NXPE4: variants seen among roughly 807,000 people sequenced by gnomAD.
NXPE4 encodes neurexophilin and PC-esterase domain family member 4.
NXPE4 carries 42 observed loss-of-function variants against 33.3 expected under a neutral mutation model. The observed-to-expected ratio is 1.26, with a 90% CI of 0.98 to 1.63. The LOEUF (loss-of-function observed/expected upper bound fraction) is 1.63. Among genes scored for constraint, NXPE4 ranks in the 40% most tolerant of loss-of-function variants. The pLI, the probability that NXPE4 is intolerant of heterozygous loss-of-function variation, is 0.00. For synonymous variants in NXPE4, 253 were observed against 234.9 expected (o/e 1.08, Z -0.71); for missense variants, 709 against 647.6 (o/e 1.09, Z -1.03).
chr11:114,642,685 C>G, the NXPE4 span, among the ~76,000 whole-genome samples: 9 of 152,132 alleles, frequency 5.9e-5, no homozygotes, highest in Admixed American at 5.9e-4. Flanking sequence ...TGGGTTGGTT[C>G]CAAGTCTTTG....
chr11:114,644,290 C>T, the NXPE4 span, among the ~76,000 whole-genome samples: 7 of 152,182 alleles, frequency 4.6e-5, no homozygotes, highest in East Asian at 1.9e-4. Flanking sequence ...TCCAATACTA[C>T]GTTGAATAGG....
chr11:114,609,081 G>T, the NXPE4 span, among the ~76,000 whole-genome samples: 6 of 151,984 alleles, frequency 3.9e-5, no homozygotes, highest in Admixed American at 1.3e-4. Context: ...CTGTTATCCG[G>T]TGGATAATAA....
chr11:114,619,092 C>A, the NXPE4 span, among the ~76,000 whole-genome samples: 1 of 151,908 alleles, frequency 6.6e-6, no homozygotes, highest in African/African-American at 2.4e-5. Flanking sequence ...TCATGGGTAA[C>A]CACTGTTGCA....
At chr11:114,657,577 G>A in the NXPE4 span, among the ~76,000 whole-genome samples, 72 of 151,722 alleles carry the variant, frequency 4.7e-4, 1 homozygote, top group East Asian at 5.6e-3. Flanking sequence ...ATTTAATGTC[G>A]TATAATAGGA....
At chr11:114,665,609 C>T in the NXPE4 span, among the ~76,000 whole-genome samples, 777 of 152,222 alleles carry the variant, frequency 5.1e-3, 3 homozygotes, top group African/African-American at 0.016. Flanking sequence ...GACAGGACAG[C>T]AAGAACTAGA....
the NXPE4 span, among the ~76,000 whole-genome samples, chr11:114,634,289 T>C: frequency 6.6e-6 from 1 of 152,096 alleles, no homozygotes; most frequent in East Asian, 1.9e-4. Flanking sequence ...TCATGTCCTT[T>C]GCCCACTTTT....
chr11:114,580,212 C>A lies in NXPE4; in HGVS notation c.1019G>T (p.Cys340Phe), dbSNP rs1470040121. 6.2e-7 allele frequency: 1 copy of A among 1,614,060 alleles called. No homozygotes were observed. Among genetic ancestry groups the A allele is most frequent in the Admixed American group, 1.7e-5 (1 of 60,018 alleles). ...TAGGTATATGAGTTTTCCTCTCAGG[C>A]ATTCCTTCATTTTGACTGTAGCCAA... ...CSLATVKMKE[C>F]LRGKLIYLMG... The change falls in exon 5 of 6, where the codon TGC (cysteine) becomes TTC (phenylalanine). Residue 340 changes from cysteine (C) to phenylalanine (F), a missense_variant. Cys to Phe is a radical substitution (Grantham distance 205). Coordinates refer to ENST00000375478, the MANE Select transcript of NXPE4 (RefSeq NM_001077639.2).
chr11:114,592,517 ACACACACACACACT>A (rs1949479847), intron 2 of NXPE4, among the ~76,000 whole-genome samples: 1 of 151,360 alleles, frequency 6.6e-6, no homozygotes, highest in African/African-American at 2.4e-5. Context: ...ATTGGAGAAC[ACACACACACACACT>A]CACACACACA....
At chr11:114,641,266 C>T in the NXPE4 span, among the ~76,000 whole-genome samples, 9 of 151,834 alleles carry the variant, frequency 5.9e-5, no homozygotes, top group Non-Finnish European at 1.3e-4. Flanking sequence ...AATAATATCA[C>T]TATCTATATT....
chr11:114,605,036 A>G, the NXPE4 span, among the ~76,000 whole-genome samples: 45 of 151,916 alleles, frequency 3.0e-4, no homozygotes, highest in African/African-American at 1.0e-3. Flanking sequence ...CCAGTGGATA[A>G]TAAGTACTGC....
chr11:114,657,228 A>G, the NXPE4 span, among the ~76,000 whole-genome samples: 5 of 152,234 alleles, frequency 3.3e-5, no homozygotes, highest in South Asian at 2.1e-4. Context: ...TCCTACCTCT[A>G]TCTCTGATTG....
At chr11:114,632,786 T>A in the NXPE4 span, among the ~76,000 whole-genome samples, 2 of 17,580 alleles carry the variant, frequency 1.1e-4, no homozygotes, top group Admixed American at 1.3e-3. Context: ...ATATTATATA[T>A]TATATAATTA....
the NXPE4 span, among the ~76,000 whole-genome samples, chr11:114,603,665 C>G: frequency 2.0e-5 from 3 of 151,464 alleles, no homozygotes; most frequent in Non-Finnish European, 2.9e-5. Context: ...AGTATTGCCT[C>G]GTCTCTTGGG....
At chr11:114,587,602 G>C (rs7118528) in intron 2 of NXPE4, among the ~76,000 whole-genome samples, 7,959 of 152,278 alleles carry the variant, frequency 0.052, 689 homozygotes, top group African/African-American at 0.18. Context: ...ATTGCTATGG[G>C]TTATGCTTGC....
chr11:114,623,546 G>T, the NXPE4 span, among the ~76,000 whole-genome samples: 1 of 152,078 alleles, frequency 6.6e-6, no homozygotes, highest in African/African-American at 2.4e-5. Context: ...TTACCTGGCA[G>T]ATAATACGTA....
the NXPE4 span, among the ~76,000 whole-genome samples, chr11:114,669,295 A>G: frequency 6.6e-6 from 1 of 152,116 alleles, no homozygotes; most frequent in African/African-American, 2.4e-5. Flanking sequence ...GAATGGAAAA[A>G]GACTGGAAAT....
At position 114,571,002 on chromosome 11, in the gene NXPE4, T is replaced by C; in HGVS notation, c.1571A>G (p.Asn524Ser). Residue 524 changes from asparagine to serine, a missense_variant, in exon 6 of 6, where the codon AAT (asparagine) becomes AGT (serine). Asn to Ser is a conservative substitution (Grantham distance 46, BLOSUM62 1). Coordinates refer to ENST00000375478, the MANE Select transcript of NXPE4 (RefSeq NM_001077639.2). ...WDITIAYGTN[N>S]VHPPQHVVGN... ...GACTACATGTTGAGGTGGGTGTACA[T>C]TATTTGTGCCATATGCAATTGTTAT... 6.2e-7 allele frequency: 1 copy of C among 1,613,138 alleles called. No homozygotes were observed. The highest frequency in any genetic ancestry group is 8.5e-7 in the Non-Finnish European group (1 of 1,179,194).
chr11:114,613,309 C>T, the NXPE4 span, among the ~76,000 whole-genome samples: 1 of 151,800 alleles, frequency 6.6e-6, no homozygotes, highest in Admixed American at 6.6e-5. Flanking sequence ...AGTACTGCCT[C>T]ATGGGTAACC....
At chr11:114,653,473 G>A in the NXPE4 span, among the ~76,000 whole-genome samples, 5 of 151,248 alleles carry the variant, frequency 3.3e-5, no homozygotes, top group African/African-American at 1.2e-4. Context: ...TAACCCTTGG[G>A]TGCTTGTACT....
Sources: allele counts gnomAD v4.1 joint callset (sites outside exome capture counted in the v4.1 genomes callset), GRCh38; gene constraint gnomAD v4.1.1; transcripts MANE v1.5; gene names NCBI Gene and HGNC (gene_info 2026-07-23, HGNC 2026-07-21).